SYTL5: variants seen among roughly 807,000 people sequenced by gnomAD.
SYTL5 encodes synaptotagmin-like protein 5.
SYTL5 carries 34 observed loss-of-function variants against 55.9 expected under a neutral mutation model. That is an observed-to-expected ratio of 0.61 (90% CI 0.46 to 0.81). The LOEUF is 0.81. SYTL5 is among the 30% of genes least tolerant of loss of function. The probability of loss-of-function intolerance (pLI) is 0.00; values close to 1 mark genes in which losing one functional copy is unlikely to be tolerated. For missense variants in SYTL5, 637 were observed against 546.7 expected (o/e 1.17, Z -1.65); for synonymous variants, 221 against 188.7 (o/e 1.17, Z -1.40).
At chrX:38,103,643 G>A (rs1288494663) in intron 10 of SYTL5, among the ~76,000 whole-genome samples, 2 of 110,840 alleles carry the variant, frequency 1.8e-5, no homozygotes, top group Non-Finnish European at 3.8e-5. Context: ...CAATTTTTGT[G>A]AGCCAGAATT....
chrX:37,953,419 A>G, the SYTL5 span, among the ~76,000 whole-genome samples: 10 of 111,801 alleles, frequency 8.9e-5, no homozygotes, highest in Middle Eastern at 9.2e-3. Flanking sequence ...AGTAGAATTT[A>G]ATGGACAAAA....
chrX:37,904,341 G>A, the SYTL5 span, among the ~76,000 whole-genome samples: 2 of 106,593 alleles, frequency 1.9e-5, no homozygotes, highest in South Asian at 9.0e-4. Flanking sequence ...TGAAAATAGG[G>A]CATTGGGAGA....
chrX:37,980,421 C>T, the SYTL5 span, among the ~76,000 whole-genome samples: 1 of 112,076 alleles, frequency 8.9e-6, no homozygotes, highest in Non-Finnish European at 1.9e-5. Flanking sequence ...AAAAAACAAC[C>T]AGAATTCTAC....
chrX:38,104,993 G>A (rs777059241), intron 10 of SYTL5, among the ~76,000 whole-genome samples: 1 of 112,317 alleles, frequency 8.9e-6, no homozygotes, highest in East Asian at 2.8e-4. Flanking sequence ...TTTGACATAT[G>A]TAAATTACTA....
chrX:38,054,572 C>G, intron 3 of SYTL5, 150 bp downstream of exon 3: 1 of 417,213 alleles, frequency 2.4e-6, no homozygotes, highest in Non-Finnish European at 4.1e-6. Flanking sequence ...AATGCCTTGG[C>G]AGGGCTCTGG....
At chrX:37,982,309 C>T in the SYTL5 span, among the ~76,000 whole-genome samples, 1 of 111,666 alleles carries the variant, frequency 9.0e-6, no homozygotes, top group East Asian at 2.8e-4. Context: ...AGAGGGCTGA[C>T]TAGTATATTT....
chrX:37,989,705 C>G, the SYTL5 span, among the ~76,000 whole-genome samples: 3 of 111,825 alleles, frequency 2.7e-5, no homozygotes, highest in Non-Finnish European at 5.6e-5. Flanking sequence ...AGGGAAAACA[C>G]AGAATTAGTA....
rs149012054 is a variant in SYTL5 at position 38,056,669 on chromosome X, A to G, written c.329+2247A>G. Among the ~76,000 whole-genome samples, 31 of 111,972 alleles carry G rather than the reference A, an allele frequency of 2.8e-4. No individual in the cohort carries two copies. In the East Asian group the frequency reaches 8.1e-3, roughly 29 times the overall value. ...TAAAAGCCATTCTAACTGGAGTGAG[A>G]TAATAGCTCATTGTAGTTTTGTCAT... On this transcript the variant is annotated intron_variant, in intron 3 of 16. Coordinates refer to ENST00000297875, the MANE Select transcript of SYTL5 (RefSeq NM_138780.3).
At chrX:37,986,981 T>A in the SYTL5 span, among the ~76,000 whole-genome samples, 9 of 111,608 alleles carry the variant, frequency 8.1e-5, no homozygotes, top group Non-Finnish European at 1.7e-4. Context: ...ACTCATCATT[T>A]ACACTCTCAT....
intron 6 of SYTL5, among the ~76,000 whole-genome samples, chrX:38,077,799 C>T (rs1297784632): frequency 8.9e-6 from 1 of 112,075 alleles, no homozygotes; most frequent in African/African-American, 3.2e-5. Context: ...GCTATGGTTG[C>T]CTTTATCCTT....
intron 10 of SYTL5, among the ~76,000 whole-genome samples, chrX:38,105,342 C>A (rs1023556066): frequency 3.5e-5 from 4 of 112,949 alleles, no homozygotes; most frequent in African/African-American, 1.3e-4. Flanking sequence ...AACGTGTGCC[C>A]AAGGTGCTCA....
chrX:37,894,509 C>A, the SYTL5 span, among the ~76,000 whole-genome samples: 1 of 111,540 alleles, frequency 9.0e-6, no homozygotes, highest in Non-Finnish European at 1.9e-5. Context: ...GAAAGAAGGT[C>A]TGGTTCTGGA....
the SYTL5 span, among the ~76,000 whole-genome samples, chrX:37,942,938 G>A: frequency 9.0e-6 from 1 of 110,986 alleles, no homozygotes; most frequent in Admixed American, 9.6e-5. Flanking sequence ...CTCCCTTCTG[G>A]CCACCTTAGT....
At chrX:37,926,273 A>G in the SYTL5 span, among the ~76,000 whole-genome samples, 12 of 111,742 alleles carry the variant, frequency 1.1e-4, no homozygotes, top group Admixed American at 3.8e-4. Context: ...TTGTATATCT[A>G]CTTTTGAGAA....
At chrX:37,968,306 A>G in the SYTL5 span, among the ~76,000 whole-genome samples, 1 of 111,723 alleles carries the variant, frequency 9.0e-6, no homozygotes, top group Non-Finnish European at 1.9e-5. Context: ...GCTACCTTAC[A>G]TAAAGCTTGT....
the SYTL5 span, among the ~76,000 whole-genome samples, chrX:37,965,134 T>G: frequency 9.9e-5 from 11 of 111,489 alleles, no homozygotes; most frequent in Non-Finnish European, 1.7e-4. Context: ...TCTTTTCTAG[T>G]TCCTCGAGGT....
intron 15 of SYTL5, among the ~76,000 whole-genome samples, chrX:38,124,237 G>A (rs933365376): frequency 9.0e-6 from 1 of 111,648 alleles, no homozygotes; most frequent in African/African-American, 3.3e-5. Context: ...GGCTATTCCA[G>A]CTGCAAGGGA....
At chrX:37,963,540 G>A in the SYTL5 span, among the ~76,000 whole-genome samples, 242 of 111,540 alleles carry the variant, frequency 2.2e-3, 1 homozygote, top group African/African-American at 7.5e-3. Flanking sequence ...CGCCTGCCCC[G>A]GCTTCCCAAA....
intron 10 of SYTL5, among the ~76,000 whole-genome samples, chrX:38,105,079 G>C (rs1212347526): frequency 8.9e-6 from 1 of 112,537 alleles, no homozygotes; most frequent in African/African-American, 3.2e-5. Flanking sequence ...TGTGATAGCA[G>C]GACAGTCAAT....
Sources: allele counts gnomAD v4.1 joint callset (sites outside exome capture counted in the v4.1 genomes callset), GRCh38; gene constraint gnomAD v4.1.1; transcripts MANE v1.5; gene names NCBI Gene and HGNC (gene_info 2026-07-23, HGNC 2026-07-21).